The following GRM3 variants were observed in gnomAD, a reference collection of about 807,000 sequenced individuals.
GRM3 encodes the protein glutamate metabotropic receptor 3, also known as metabotropic glutamate receptor 3.
A neutral mutation model predicts 70.5 loss-of-function variants in GRM3; 26 were observed. The ratio of observed to expected loss-of-function variants is 0.37; its 90% confidence interval spans 0.27 to 0.51. The LOEUF is 0.51. GRM3 is among the 20% of genes least tolerant of loss of function. GRM3 has a pLI of 0.93. For missense variants in GRM3, 859 were observed against 1,123.8 expected (o/e 0.76, Z 3.37); for synonymous variants, 443 against 434.9 (o/e 1.02, Z -0.23).
intron 3 of GRM3, among the ~76,000 whole-genome samples, chr7:86,819,965 C>G (rs1242531983): frequency 6.6e-6 from 1 of 152,144 alleles, no homozygotes; most frequent in Non-Finnish European, 1.5e-5. Flanking sequence ...TTCTACCTTT[C>G]CAAAAAGCTT....
At chr7:86,656,347 C>T (rs1465935057) in intron 1 of GRM3, among the ~76,000 whole-genome samples, 2 of 141,676 alleles carry the variant, frequency 1.4e-5, no homozygotes, top group African/African-American at 2.7e-5. Context: ...CTCAGTGCTG[C>T]AACCTCTGCC....
At position 86,839,507 on chromosome 7, in the gene GRM3, TGCATTGCCC is replaced by T. The variant is rs1375902371; in HGVS notation, c.1998_2006del (p.Ala667_Ile669del). 1 of 1,608,458 alleles carries T rather than the reference TGCATTGCCC, an allele frequency of 6.2e-7. No individual in the cohort carries two copies. The highest frequency in any genetic ancestry group is 8.5e-7 in the Non-Finnish European group (1 of 1,176,704). On this transcript the variant is annotated inframe_deletion, in exon 4 of 6. Transcript: ENST00000361669. This position sits in a 1 kb window ranked among gnomAD's most constrained non-coding sequence, Gnocchi z 4.5. Reference sequence around the variant, plus strand: ...CTCAGCCCTGCTGACCAAGACAAACTGCATTGCCCGCATCTTCGATGGGGTCAAGAATGG... The same window carrying T: ...CTCAGCCCTGCTGACCAAGACAAACTGCATCTTCGATGGGGTCAAGAATGG...
rs2116541699 is a variant in GRM3 at position 86,786,391 on chromosome 7, C to T, written c.599C>T (p.Ala200Val). The T allele has an allele frequency of 6.2e-7, 1 of 1,614,198 alleles. No homozygotes were observed. Among genetic ancestry groups the T allele is most frequent in the Non-Finnish European group, 8.5e-7 (1 of 1,180,036 alleles). ...CCCCCCGACTTCTACCAGGCCAAAG[C>T]CATGGCTGAGATCTTGCGCTTCTTC... is the stretch of plus-strand genomic sequence containing the variant. ...TVPPDFYQAK[A>V]MAEILRFFNW... The change falls in exon 3 of 6, where the codon GCC becomes GTC. Residue 200 changes from alanine (A) to valine (V), a missense_variant. By Grantham distance (64) the Ala-to-Val change is moderately conservative (BLOSUM62 0). Coordinates refer to ENST00000361669, the MANE Select transcript of GRM3 (RefSeq NM_000840.3). The surrounding 1 kb of genome is among the most constrained non-coding windows in gnomAD (Gnocchi z 6.0).
chr7:86,677,168 T>G (rs1794326893), intron 1 of GRM3, among the ~76,000 whole-genome samples: 1 of 152,030 alleles, frequency 6.6e-6, no homozygotes, highest in African/African-American at 2.4e-5. Context: ...CATTTTCTCA[T>G]TTATATGACT....
intron 3 of GRM3, among the ~76,000 whole-genome samples, chr7:86,834,994 T>C (rs780564516): frequency 2.0e-5 from 3 of 152,132 alleles, no homozygotes; most frequent in Non-Finnish European, 2.9e-5. Flanking sequence ...TTGATTACTA[T>C]ACCTGAAAAT....
At chr7:86,734,819 T>C (rs1562842834) in intron 1 of GRM3, among the ~76,000 whole-genome samples, 1 of 152,084 alleles carries the variant, frequency 6.6e-6, no homozygotes, top group Non-Finnish European at 1.5e-5. Flanking sequence ...TCCTCTATAT[T>C]CCCCCTTCAT....
intron 5 of GRM3, among the ~76,000 whole-genome samples, chr7:86,856,170 A>G (rs1023141565): frequency 6.6e-6 from 1 of 152,190 alleles, no homozygotes; most frequent in African/African-American, 2.4e-5. Flanking sequence ...GAGGCCAGTC[A>G]CAGTGACTCA....
chr7:86,790,751 A>C (rs1797390362), intron 3 of GRM3, among the ~76,000 whole-genome samples: 1 of 152,080 alleles, frequency 6.6e-6, no homozygotes, highest in Non-Finnish European at 1.5e-5. Flanking sequence ...TATTGCCCCT[A>C]ACCCAGATAT....
At chr7:86,669,135 A>C (rs1201870688) in intron 1 of GRM3, among the ~76,000 whole-genome samples, 3 of 152,180 alleles carry the variant, frequency 2.0e-5, no homozygotes, top group Non-Finnish European at 2.9e-5. Flanking sequence ...ATCAAATCGA[A>C]GCCCAAAGTG....
rs770956891 is a variant in GRM3, at chr7:86,839,728, G to A, written c.2214G>A (p.Leu738=). Residue 738 remains leucine, a synonymous_variant, in exon 4 of 6, where the codon TTG becomes TTA. Coordinates refer to ENST00000361669, the MANE Select transcript of GRM3 (RefSeq NM_000840.3). This position sits in a 1 kb window ranked among gnomAD's most constrained non-coding sequence, Gnocchi z 4.5. ...GCAATGTCAAAGATTCCAGCATGTT[G>A]ATCTCTCTTACCTACGATGTGATCC... ...LKCNVKDSSM[L]ISLTYDVILV... 4 of 1,614,096 alleles carry A rather than the reference G, an allele frequency of 2.5e-6. No individual in the cohort carries two copies. The East Asian group carries it at 6.7e-5, about 27-fold the overall frequency.
At chr7:86,801,252 G>A (rs973921072) in intron 3 of GRM3, among the ~76,000 whole-genome samples, 24 of 151,834 alleles carry the variant, frequency 1.6e-4, no homozygotes, top group African/African-American at 5.8e-4. Context: ...TGTATTTTTA[G>A]TCGAGACGGG....
intron 1 of GRM3, among the ~76,000 whole-genome samples, chr7:86,696,221 AAGAGACTT>A (rs1160397029): frequency 2.0e-5 from 3 of 152,196 alleles, no homozygotes. Context: ...TGTCTGGCAA[AAGAGACTT>A]AGATATGATT....
rs181999914 is a variant in GRM3 at position 86,773,889 on chromosome 7, C to T, written c.468+8276C>T. Among the ~76,000 whole-genome samples, 321 of 152,144 alleles carry T rather than the reference C, an allele frequency of 2.1e-3. 1 individual carries two copies. Among genetic ancestry groups the T allele is most frequent in the African/African-American group, 7.2e-3 (301 of 41,522 alleles). ...CTGTCATGTATTTATTTGGAAACTA[C>T]TCTACCGAAAGATAAGAAGTTGCCG... On this transcript the variant is annotated intron_variant, in intron 2 of 5. Transcript: ENST00000361669.
intron 2 of GRM3, among the ~76,000 whole-genome samples, chr7:86,767,680 A>G (rs535900142): frequency 6.6e-6 from 1 of 151,732 alleles, no homozygotes; most frequent in African/African-American, 2.4e-5. Context: ...TACCACTAGT[A>G]AGGGCTTATA....
intron 2 of GRM3, chr7:86,785,974 T>G (rs1584242511): frequency 3.6e-6 from 1 of 278,244 alleles, no homozygotes; most frequent in East Asian, 7.9e-5. Flanking sequence ...TTTATCCTAG[T>G]CTAGAGTCTA....
chr7:86,829,861 A>G (rs765917038), intron 3 of GRM3, among the ~76,000 whole-genome samples: 4 of 152,238 alleles, frequency 2.6e-5, no homozygotes, highest in Non-Finnish European at 4.4e-5. Context: ...TGTTGGAAAA[A>G]TGGTACTGAT....
chr7:86,719,004 T>C (rs1002528361), intron 1 of GRM3, among the ~76,000 whole-genome samples: 1 of 151,990 alleles, frequency 6.6e-6, no homozygotes, highest in Admixed American at 6.6e-5. Context: ...ACGACTTTAA[T>C]ATCCTGGACC....
intron 1 of GRM3, among the ~76,000 whole-genome samples, chr7:86,676,995 C>A (rs564920493): frequency 6.6e-6 from 1 of 152,090 alleles, no homozygotes; most frequent in East Asian, 1.9e-4. Flanking sequence ...AATCTGCATT[C>A]TAAGCCTCAT....
At chr7:86,671,653 A>C (rs1794176031) in intron 1 of GRM3, among the ~76,000 whole-genome samples, 1 of 152,216 alleles carries the variant, frequency 6.6e-6, no homozygotes, top group Admixed American at 6.5e-5. Context: ...AGGTCTGACC[A>C]CAACCTCCAG....
Sources: gnomAD v4.1 joint callset for allele counts (sites outside exome capture counted in the v4.1 genomes callset) on GRCh38, gnomAD v4.1.1 for gene constraint, Gnocchi (gnomAD v3.1) non-coding constraint, MANE v1.5 for transcripts, NCBI Gene and HGNC (gene_info 2026-07-23, HGNC 2026-07-21) for gene names.